Variants in CIDEC observed in about 807,000 individuals in gnomAD.
The protein encoded by CIDEC is cell death inducing DFFA like effector c.
A neutral mutation model predicts 21.9 loss-of-function variants in CIDEC; 11 were observed. The observed-to-expected ratio is 0.50, with a 90% CI of 0.32 to 0.83. The LOEUF (loss-of-function observed/expected upper bound fraction) is 0.83, where lower values mean the gene tolerates loss of function less well. Among genes scored for constraint, CIDEC ranks in the 40% least tolerant of loss-of-function variants. The pLI is 0.04. For missense variants in CIDEC, 302 were observed against 302.3 expected, an observed-to-expected ratio of 1.00 and a Z score of 0.01; for synonymous variants, 127 against 124.9, an observed-to-expected ratio of 1.02 and a Z score of -0.11.
intron 4 of CIDEC, among the ~76,000 whole-genome samples, chr3:9,873,937 A>G (rs2082385400): frequency 6.6e-6 from 1 of 152,142 alleles, no homozygotes; most frequent in East Asian, 1.9e-4. Flanking sequence ...GCAACACACC[A>G]ATAGCAATGA....
At chr3:9,869,259 G>GT (rs1001228656) in intron 6 of CIDEC, among the ~76,000 whole-genome samples, 289 of 148,888 alleles carry the variant, frequency 1.9e-3, no homozygotes, top group Middle Eastern at 0.01. Context: ...GCTTTTTTTT[G>GT]TTTTTTTTTC....
intron 6 of CIDEC, 104 bp from the exon 7 acceptor site, chr3:9,867,400 A>G (rs1232649158): frequency 2.4e-5 from 29 of 1,198,764 alleles, no homozygotes; most frequent in South Asian, 1.5e-4. Flanking sequence ...AGGGCGGGTA[A>G]CCTGAGGTCA....
At chr3:9,877,897 T>C (rs184551496) in intron 3 of CIDEC, 1 of 163,810 alleles carries the variant, frequency 6.1e-6, no homozygotes, top group Admixed American at 5.6e-5. Context: ...ACATTCCCCA[T>C]TTACCACCTG....
At chr3:9,878,370 T>G in intron 3 of CIDEC, 64 bp downstream of exon 3, 24 of 1,232,552 alleles carry the variant, frequency 1.9e-5, no homozygotes, top group Non-Finnish European at 2.5e-5. Context: ...CATTAAAGTT[T>G]GAGAAGTTCT....
At chr3:9,878,066 C>T (rs2082451851) in intron 3 of CIDEC, 2 of 221,562 alleles carry the variant, frequency 9.0e-6, no homozygotes, top group African/African-American at 2.3e-5. Context: ...AATCTTGGCT[C>T]CCTCATGGAT....
At chr3:9,876,781 A>C (rs905389627) in intron 4 of CIDEC, among the ~76,000 whole-genome samples, 2 of 145,284 alleles carry the variant, frequency 1.4e-5, no homozygotes, top group East Asian at 4.0e-4. Context: ...AAAAAAAAAA[A>C]AAACTAATGG....
Position 9,869,867 on chromosome 3 carries a change from T to G in CIDEC, c.554+15A>C, listed in dbSNP as rs1225212516. On this transcript the variant is annotated intron_variant, in intron 6 of 6. Coordinates refer to ENST00000336832, the MANE Select transcript of CIDEC (RefSeq NM_001321142.2). The stretch of plus-strand genomic sequence containing the variant: ...CTGTACCCACCCTGTCCCCAGGAAA[T>G]CCCAATTTGCTCACTTCATGATGCG... 10 of 1,611,592 alleles carry G rather than the reference T, an allele frequency of 6.2e-6. No homozygotes were observed. Among genetic ancestry groups the G allele is most frequent in the Non-Finnish European group, 7.6e-6 (9 of 1,179,508 alleles).
At chr3:9,878,238 G>A (rs1460925023) in intron 3 of CIDEC, 196 bp downstream of exon 3, 6 of 631,512 alleles carry the variant, frequency 9.5e-6, no homozygotes, top group East Asian at 2.8e-5. Context: ...GTGTGGTGGT[G>A]GTGTAAGCAG....
intron 3 of CIDEC, chr3:9,877,820 G>C (rs2082448267): frequency 6.0e-6 from 1 of 165,868 alleles, no homozygotes; most frequent in Non-Finnish European, 1.3e-5. Flanking sequence ...AAGTTCCCAA[G>C]TGATGTTGAT....
chr3:9,869,715 C>T (rs1482539290), intron 6 of CIDEC, among the ~76,000 whole-genome samples, 167 bp downstream of exon 6: 21 of 152,202 alleles, frequency 1.4e-4, no homozygotes, highest in Admixed American at 1.4e-3. Flanking sequence ...CGGTGTCGTC[C>T]ACAGCACTTC....
chr3:9,871,584 T>A (rs2082348438), intron 4 of CIDEC, among the ~76,000 whole-genome samples: 1 of 152,106 alleles, frequency 6.6e-6, no homozygotes, highest in Admixed American at 6.6e-5. Context: ...TCTCCTTACA[T>A]CCTCACTGAT....
At position 9,872,745 on chromosome 3, in the gene CIDEC, T is replaced by C. The variant is rs964336859; in HGVS notation, c.208-2423A>G. ...GCTCATGCCTGTAATCCTAGCACTTTAGGAGGCAAAGTCAGGTGGATCACC... is the reference window on the plus strand; with the variant it reads ...GCTCATGCCTGTAATCCTAGCACTTCAGGAGGCAAAGTCAGGTGGATCACC... On this transcript the variant is annotated intron_variant, in intron 4 of 6. Coordinates refer to ENST00000336832, the MANE Select transcript of CIDEC (RefSeq NM_001321142.2). Among the ~76,000 whole-genome samples the C allele has an allele frequency of 2.6e-5, 4 of 152,120 alleles. 1 individual carries two copies. Among genetic ancestry groups the C allele is most frequent in the East Asian group, 3.9e-4 (2 of 5,192 alleles).
chr3:9,868,582 G>C (rs372136881), intron 6 of CIDEC, among the ~76,000 whole-genome samples: 1 of 152,184 alleles, frequency 6.6e-6, no homozygotes, highest in Non-Finnish European at 1.5e-5. Flanking sequence ...TTGGATGTTT[G>C]GAAAGTAGGG....
Position 9,878,935 on chromosome 3 carries a change from C to T in CIDEC, c.-26+7G>A. On this transcript the variant is annotated splice_region_variant and intron_variant, in intron 2 of 6. Coordinates refer to ENST00000336832, the MANE Select transcript of CIDEC (RefSeq NM_001321142.2). Reference sequence around the variant, plus strand: ...CCACCTCACACTTCTGGGGACCGTTCCCTCACCTCTAGTCCAGAGACCTCA... The same window carrying T: ...CCACCTCACACTTCTGGGGACCGTTTCCTCACCTCTAGTCCAGAGACCTCA... The T allele has an allele frequency of 2.2e-6, 2 of 894,086 alleles. No homozygotes were observed. The highest frequency in any genetic ancestry group is 1.4e-5 in the South Asian group (1 of 69,784). 55.4% of individuals were successfully genotyped at this position (894,086 alleles called of 1,614,324 possible).
chr3:9,878,137 T>A, intron 3 of CIDEC: 1 of 383,658 alleles, frequency 2.6e-6, no homozygotes, highest in Non-Finnish European at 4.9e-6. Flanking sequence ...TAATTTGGTA[T>A]AATAACCCCC....
At chr3:9,877,359 T>C (rs1379472299) in intron 3 of CIDEC, 140 bp from the exon 4 acceptor site, 2 of 856,080 alleles carry the variant, frequency 2.3e-6, no homozygotes, top group African/African-American at 3.3e-5. Context: ...TGCCCTAGTC[T>C]TACTCAGAAG....
In CIDEC at chr3:9,867,252, T is replaced by C. The variant is rs1159445844; in HGVS notation, c.599A>G (p.His200Arg). 5 of 1,614,164 alleles carry C rather than the reference T, an allele frequency of 3.1e-6. No individual in the cohort carries two copies. In the East Asian group the frequency reaches 1.1e-4, roughly 36 times the overall value. Residue 200 changes from histidine to arginine, a missense_variant, in exon 7 of 7, where the codon CAC becomes CGC. Coordinates refer to ENST00000336832, the MANE Select transcript of CIDEC (RefSeq NM_001321142.2). ...GTAACAGGAGGTGCCAAGCAGTACGTGGCCTGTGGCCTGCATGCTGAAGAG... is the reference window on the plus strand; with the variant it reads ...GTAACAGGAGGTGCCAAGCAGTACGCGGCCTGTGGCCTGCATGCTGAAGAG... ...WALFSMQATG[H>R]VLLGTSCYLQ... is the part of the protein sequence containing the mutation.
intron 1 of CIDEC, among the ~76,000 whole-genome samples, chr3:9,879,694 A>G (rs2082478569): frequency 6.6e-6 from 1 of 152,088 alleles, no homozygotes; most frequent in Admixed American, 6.6e-5. Context: ...TCTCTGATCC[A>G]GGACGAAATT....
chr3:9,872,965 G>T (rs1254278038), intron 4 of CIDEC, among the ~76,000 whole-genome samples: 3 of 152,154 alleles, frequency 2.0e-5, no homozygotes, highest in African/African-American at 4.8e-5. Context: ...CTCCAGCCTG[G>T]GTGACAGAGG....
Sources: gnomAD v4.1 joint callset for allele counts (sites outside exome capture counted in the v4.1 genomes callset) on GRCh38, gnomAD v4.1.1 for gene constraint, MANE v1.5 for transcripts, NCBI Gene and HGNC (gene_info 2026-07-23, HGNC 2026-07-21) for gene names.